CSRNP3: variants seen among roughly 807,000 people sequenced by gnomAD.
CSRNP3 encodes the protein cysteine/serine-rich nuclear protein 3.
In CSRNP3, 12 loss-of-function variants were observed where a neutral mutation model predicts 48.0. The observed-to-expected ratio is 0.25, with a 90% CI of 0.16 to 0.41. The LOEUF (loss-of-function observed/expected upper bound fraction) is 0.41, where lower values mean the gene tolerates loss of function less well. Ranked by LOEUF, CSRNP3 falls within the 10% of genes least tolerant of loss-of-function variation. The pLI is 1.00. For synonymous variants in CSRNP3, 263 were observed against 269.7 expected, an observed-to-expected ratio of 0.98 and a Z score of 0.24; for missense variants, 580 against 724.4, an observed-to-expected ratio of 0.80 and a Z score of 2.29.
intron 1 of CSRNP3, among the ~76,000 whole-genome samples, chr2:165,491,901 G>A (rs1377316707): frequency 7.2e-6 from 1 of 138,970 alleles, no homozygotes; most frequent in Non-Finnish European, 1.5e-5. Flanking sequence ...GTATACATAT[G>A]TAACTAACCT....
chr2:165,604,945 T>A (rs147340070), intron 4 of CSRNP3, among the ~76,000 whole-genome samples: 236 of 152,318 alleles, frequency 1.5e-3, no homozygotes, highest in Non-Finnish European at 1.5e-3. Context: ...TGTCTTCTTA[T>A]ATATTTGCTT....
At chr2:165,634,969 C>T (rs1686603092) in intron 4 of CSRNP3, among the ~76,000 whole-genome samples, 1 of 152,164 alleles carries the variant, frequency 6.6e-6, no homozygotes, top group Non-Finnish European at 1.5e-5. Context: ...CATTCTAGGC[C>T]CAGCAGGCTA....
At chr2:165,514,985 T>C (rs1317112959) in intron 2 of CSRNP3, among the ~76,000 whole-genome samples, 1 of 152,188 alleles carries the variant, frequency 6.6e-6, no homozygotes, top group Admixed American at 6.5e-5. Flanking sequence ...CTTTCTTCTA[T>C]AGGCCAGGGT....
At chr2:165,544,061 A>C (rs554335697) in intron 3 of CSRNP3, among the ~76,000 whole-genome samples, 52 of 152,128 alleles carry the variant, frequency 3.4e-4, no homozygotes, top group African/African-American at 1.3e-3. Flanking sequence ...TAAAATATAC[A>C]GAATATCATA....
At chr2:165,540,715 C>T (rs1247395199) in intron 3 of CSRNP3, among the ~76,000 whole-genome samples, 2 of 151,968 alleles carry the variant, frequency 1.3e-5, no homozygotes, top group Non-Finnish European at 2.9e-5. Flanking sequence ...ATTCTGGTTA[C>T]ATTCTGAATT....
chr2:165,506,735 G>A (rs1018228836), intron 2 of CSRNP3, among the ~76,000 whole-genome samples: 2 of 152,182 alleles, frequency 1.3e-5, no homozygotes, highest in East Asian at 3.9e-4. Context: ...CTTCACACAG[G>A]AATCATTAGA....
chr2:165,623,938 C>T (rs913631100), intron 4 of CSRNP3, among the ~76,000 whole-genome samples: 2 of 152,192 alleles, frequency 1.3e-5, no homozygotes, highest in Admixed American at 6.5e-5. Flanking sequence ...ATCTCCTTGT[C>T]TGGCTTTTCT....
intron 4 of CSRNP3, among the ~76,000 whole-genome samples, chr2:165,613,994 G>A (rs530944125): frequency 1.4e-4 from 22 of 151,926 alleles, no homozygotes; most frequent in African/African-American, 4.8e-4. Flanking sequence ...TGAGTAGTAT[G>A]GTCGTTTTAA....
At chr2:165,494,120 G>A (rs1331165167) in intron 1 of CSRNP3, among the ~76,000 whole-genome samples, 2 of 152,072 alleles carry the variant, frequency 1.3e-5, no homozygotes, top group African/African-American at 4.8e-5. Flanking sequence ...AAGATTTAAG[G>A]ACTCTGGTTT....
chr2:165,612,356 A>C (rs542849401), intron 4 of CSRNP3, among the ~76,000 whole-genome samples: 47 of 152,204 alleles, frequency 3.1e-4, no homozygotes, highest in African/African-American at 1.1e-3. Context: ...CTAAATCAAC[A>C]TACAAATATC....
At chr2:165,472,424 T>A (rs1283202232) in intron 1 of CSRNP3, among the ~76,000 whole-genome samples, 1 of 152,054 alleles carries the variant, frequency 6.6e-6, no homozygotes, top group Non-Finnish European at 1.5e-5. Context: ...ATATCCTTTT[T>A]GCTTTATTTG....
chr2:165,587,581 T>G (rs1316092645), intron 3 of CSRNP3, among the ~76,000 whole-genome samples: 1 of 152,234 alleles, frequency 6.6e-6, no homozygotes, highest in Admixed American at 6.5e-5. Flanking sequence ...AGCTTAAATC[T>G]GGTAATTGCA....
intron 3 of CSRNP3, among the ~76,000 whole-genome samples, chr2:165,558,028 G>A (rs1685182303): frequency 6.6e-6 from 1 of 152,136 alleles, no homozygotes; most frequent in Admixed American, 6.5e-5. Flanking sequence ...AAGTTACTAA[G>A]GGAATTTTGA....
chr2:165,482,265 C>CT (rs5836042), intron 1 of CSRNP3, among the ~76,000 whole-genome samples: 67,734 of 143,144 alleles, frequency 0.47, 16,315 homozygotes, highest in African/African-American at 0.59. Context: ...AAGAGATGTG[C>CT]TTTTTTTTTT....
intron 4 of CSRNP3, among the ~76,000 whole-genome samples, chr2:165,631,998 G>A (rs1156924330): frequency 6.6e-6 from 1 of 152,192 alleles, no homozygotes; most frequent in East Asian, 1.9e-4. Flanking sequence ...AATATTTAGA[G>A]CATCAACCTA....
intron 5 of CSRNP3, among the ~76,000 whole-genome samples, chr2:165,663,747 T>C (rs1166519713): frequency 1.3e-5 from 2 of 152,222 alleles, no homozygotes. Context: ...AGTTGCTCAC[T>C]AAAGTGGATT....
intron 3 of CSRNP3, among the ~76,000 whole-genome samples, chr2:165,549,215 C>T (rs1435466591): frequency 1.3e-5 from 2 of 151,814 alleles, no homozygotes; most frequent in East Asian, 1.9e-4. Context: ...TAGAGACGAC[C>T]GTGTTAGGGA....
intron 4 of CSRNP3, among the ~76,000 whole-genome samples, chr2:165,608,427 G>A (rs1036445392): frequency 1.3e-5 from 2 of 152,032 alleles, no homozygotes; most frequent in Admixed American, 6.6e-5. Flanking sequence ...GAACACAGAG[G>A]AATATTCTAA....
intron 3 of CSRNP3, among the ~76,000 whole-genome samples, chr2:165,559,484 A>G: frequency 6.6e-6 from 1 of 152,162 alleles, no homozygotes; most frequent in South Asian, 2.1e-4. Flanking sequence ...GACCAAGATA[A>G]ATGCTAGGAA....
Sources: allele counts gnomAD v4.1 joint callset (sites outside exome capture counted in the v4.1 genomes callset), GRCh38; gene constraint gnomAD v4.1.1; transcripts MANE v1.5; gene names NCBI Gene and HGNC (gene_info 2026-07-23, HGNC 2026-07-21).